The following SCAI variants were observed in gnomAD, a reference collection of about 807,000 sequenced individuals.
SCAI encodes protein SCAI.
A neutral mutation model predicts 92.2 loss-of-function variants in SCAI; 24 were observed. The observed-to-expected ratio is 0.26, with a 90% CI of 0.19 to 0.37. The LOEUF (loss-of-function observed/expected upper bound fraction) is 0.37. Among genes scored for constraint, SCAI ranks in the 10% least tolerant of loss-of-function variants. SCAI has a pLI of 1.00. For synonymous variants in SCAI, 261 were observed against 258.6 expected (o/e 1.01, Z -0.09); for missense variants, 450 against 736.2 (o/e 0.61, Z 4.50).
chr9:125,119,547 G>C (rs1835116403), intron 2 of SCAI, among the ~76,000 whole-genome samples: 1 of 152,156 alleles, frequency 6.6e-6, no homozygotes, highest in South Asian at 2.1e-4. Flanking sequence ...AACTAACAGT[G>C]CTCCTGAAGG....
At chr9:125,084,333 G>A (rs1036694552) in intron 2 of SCAI, among the ~76,000 whole-genome samples, 2 of 151,820 alleles carry the variant, frequency 1.3e-5, no homozygotes, top group African/African-American at 4.8e-5. Flanking sequence ...ACCACGCCCG[G>A]CTAACTTTTT....
intron 3 of SCAI, among the ~76,000 whole-genome samples, chr9:125,051,098 C>T (rs1833552110): frequency 6.6e-6 from 1 of 152,186 alleles, no homozygotes; most frequent in Admixed American, 6.5e-5. Context: ...TCGCAGCTCA[C>T]TGCAACATCC....
intron 17 of SCAI, among the ~76,000 whole-genome samples, chr9:124,958,596 T>C (rs1271230153): frequency 6.6e-6 from 1 of 152,034 alleles, no homozygotes; most frequent in Non-Finnish European, 1.5e-5. Flanking sequence ...AAGCTGAAAC[T>C]ATAGAATTCC....
chr9:125,081,545 G>A (rs899724542), intron 2 of SCAI, among the ~76,000 whole-genome samples: 1 of 152,198 alleles, frequency 6.6e-6, no homozygotes, highest in Admixed American at 6.5e-5. Context: ...TTCAAGAGGT[G>A]ACCTGGGTGC....
At chr9:125,055,671 T>G (rs944323966) in intron 3 of SCAI, among the ~76,000 whole-genome samples, 1 of 152,202 alleles carries the variant, frequency 6.6e-6, no homozygotes, top group Non-Finnish European at 1.5e-5. Flanking sequence ...TTAAGTTGAC[T>G]AAAACAGTGT....
chr9:125,104,759 AAAAC>A (rs1180748268), intron 2 of SCAI, among the ~76,000 whole-genome samples: 2 of 152,016 alleles, frequency 1.3e-5, no homozygotes, highest in African/African-American at 2.4e-5. Context: ...TGTTTGTCAA[AAAAC>A]AAACAAACAA....
At chr9:124,987,914 G>C (rs1832032346) in intron 14 of SCAI, among the ~76,000 whole-genome samples, 1 of 152,056 alleles carries the variant, frequency 6.6e-6, no homozygotes, top group African/African-American at 2.4e-5. Flanking sequence ...AGTGAGCCAA[G>C]ATCATGCCAC....
chr9:125,022,796 G>A (rs943742980), intron 6 of SCAI, among the ~76,000 whole-genome samples: 2 of 152,066 alleles, frequency 1.3e-5, no homozygotes, highest in African/African-American at 4.8e-5. Flanking sequence ...TAACAGGGAA[G>A]TTTAGATCAT....
intron 17 of SCAI, among the ~76,000 whole-genome samples, chr9:124,959,298 A>G (rs1359177255): frequency 2.0e-5 from 3 of 150,994 alleles, no homozygotes; most frequent in African/African-American, 7.3e-5. Flanking sequence ...AAATGAAAAA[A>G]AAAAAAGAAT....
rs138374914 is a variant in SCAI, at chr9:124,967,089, A to G, written c.1674+4281T>C. On this transcript the variant is annotated intron_variant, in intron 17 of 17. Transcript: ENST00000336505. Reference sequence around the variant, plus strand: ...TAATGTCCTGGAGCCTTGTTGCTTCATGTATAAAGTGCAGGTCAGTAAAAA... The same window carrying G: ...TAATGTCCTGGAGCCTTGTTGCTTCGTGTATAAAGTGCAGGTCAGTAAAAA... 4.5e-3 allele frequency among the ~76,000 whole-genome samples: 691 copies of G among 152,298 alleles called. 7 individuals are homozygous for G. The highest frequency in any genetic ancestry group is 0.016 in the African/African-American group (654 of 41,550).
At position 124,976,093 on chromosome 9, in the gene SCAI, C is replaced by T. The variant is rs774437545; in HGVS notation, c.1399+21G>A. The T allele has an allele frequency of 2.6e-6, 4 of 1,525,450 alleles. No homozygotes were observed. In the South Asian group the frequency reaches 3.4e-5, roughly 13 times the overall value. The allele number at this position is 1,525,450 out of a possible 1,614,324, so 94.5% of individuals were successfully genotyped here. ...TGTTTATTTGCAACCTATGGCTATA[C>T]CAGGCAATGAGGGTACATACCTTGT... On this transcript the variant is annotated intron_variant, in intron 15 of 17. Transcript: ENST00000336505.
At chr9:125,109,997 CTTTAA>C (rs1205910646) in intron 2 of SCAI, among the ~76,000 whole-genome samples, 4 of 152,038 alleles carry the variant, frequency 2.6e-5, no homozygotes, top group Non-Finnish European at 5.9e-5. Context: ...CCCAAGCATG[CTTTAA>C]TTTAATTCAA....
intron 13 of SCAI, among the ~76,000 whole-genome samples, chr9:124,997,666 A>G (rs1228419147): frequency 6.6e-6 from 1 of 152,084 alleles, no homozygotes; most frequent in South Asian, 2.1e-4. Context: ...ACTTGAGGTC[A>G]GCATTTCAAG....
intron 9 of SCAI, among the ~76,000 whole-genome samples, chr9:125,015,575 A>G (rs1207716550): frequency 7.2e-5 from 11 of 152,032 alleles, no homozygotes; most frequent in East Asian, 3.9e-4. Context: ...CTTTTACACT[A>G]TTGGTGGGAC....
intron 3 of SCAI, among the ~76,000 whole-genome samples, chr9:125,044,534 G>C (rs1228906377): frequency 6.6e-6 from 1 of 152,120 alleles, no homozygotes; most frequent in Non-Finnish European, 1.5e-5. Context: ...CCTACTAGGG[G>C]TCTCCTGAGA....
intron 9 of SCAI, among the ~76,000 whole-genome samples, chr9:125,004,138 C>T (rs1208238207): frequency 1.3e-5 from 2 of 151,876 alleles, no homozygotes; most frequent in Admixed American, 6.6e-5. Context: ...ATCGCACCAT[C>T]GTATTCCAGC....
chr9:125,003,308 C>T, intron 10 of SCAI, 93 bp from the exon 11 acceptor site: 1 of 1,086,226 alleles, frequency 9.2e-7, no homozygotes, highest in South Asian at 1.3e-5. Flanking sequence ...TCAAGGAAGT[C>T]TTATTTTCAC....
chr9:124,969,091 C>T (rs2131585973), intron 17 of SCAI, among the ~76,000 whole-genome samples: 1 of 152,180 alleles, frequency 6.6e-6, no homozygotes, highest in African/African-American at 2.4e-5. Context: ...TATAGGCACA[C>T]ATCACTACTC....
chr9:125,125,041 C>T (rs1236902434), intron 2 of SCAI, among the ~76,000 whole-genome samples: 1 of 151,836 alleles, frequency 6.6e-6, no homozygotes, highest in Non-Finnish European at 1.5e-5. Context: ...GTCAACATGG[C>T]AAAACACCGT....
Sources: allele counts gnomAD v4.1 joint callset (sites outside exome capture counted in the v4.1 genomes callset), GRCh38; gene constraint gnomAD v4.1.1; transcripts MANE v1.5; gene names NCBI Gene and HGNC (gene_info 2026-07-23, HGNC 2026-07-21).